Variants in ZFHX3 observed in about 807,000 individuals in gnomAD.
ZFHX3 encodes the protein zinc finger homeobox protein 3.
In ZFHX3, 42 loss-of-function variants were observed where a neutral mutation model predicts 279.1. That is an observed-to-expected ratio of 0.15 (90% CI 0.12 to 0.19). The LOEUF (loss-of-function observed/expected upper bound fraction) is 0.19, where lower values mean the gene tolerates loss of function less well. Among genes scored for constraint, ZFHX3 ranks in the 10% least tolerant of loss-of-function variants. ZFHX3 has a pLI of 1.00. For synonymous variants in ZFHX3, 2,293 were observed against 1,957.8 expected, an observed-to-expected ratio of 1.17 and a Z score of -4.52; for missense variants, 4,981 against 4,754.0, an observed-to-expected ratio of 1.05 and a Z score of -1.40.
At chr16:73,031,419 G>T (rs1964694452) in intron 1 of ZFHX3, among the ~76,000 whole-genome samples, 2 of 152,154 alleles carry the variant, frequency 1.3e-5, no homozygotes, top group South Asian at 4.1e-4. Context: ...GAAAGAGAGG[G>T]TTTGGAGCAT....
At chr16:72,999,542 G>A (rs1477472869) in intron 1 of ZFHX3, among the ~76,000 whole-genome samples, 1 of 152,118 alleles carries the variant, frequency 6.6e-6, no homozygotes. Context: ...ATGTCCACAG[G>A]GCATAAACTT....
chr16:73,032,522 A>T (rs187846933), intron 1 of ZFHX3, among the ~76,000 whole-genome samples: 15 of 152,310 alleles, frequency 9.8e-5, no homozygotes, highest in Admixed American at 9.8e-4. Context: ...GCGACAAAGT[A>T]ACAGGAACCT....
intron 1 of ZFHX3, among the ~76,000 whole-genome samples, chr16:73,812,209 G>C (rs533440479): frequency 8.7e-4 from 132 of 152,278 alleles, no homozygotes; most frequent in Non-Finnish European, 1.6e-3. Context: ...ATCACTGAAA[G>C]GATGCAAGCA....
At chr16:73,629,541 A>G (rs1055568488) in intron 2 of ZFHX3, among the ~76,000 whole-genome samples, 20 of 152,242 alleles carry the variant, frequency 1.3e-4, no homozygotes, top group Admixed American at 1.2e-3. Context: ...AGAAAGATGC[A>G]CCTGCCACGG....
At chr16:72,879,094 G>A (rs139790180) in intron 4 of ZFHX3, among the ~76,000 whole-genome samples, 47 of 152,290 alleles carry the variant, frequency 3.1e-4, no homozygotes, top group Admixed American at 1.2e-3. Flanking sequence ...CCCTGGAAGC[G>A]CAAGTGAAGG....
At chr16:73,598,116 T>G (rs1376121551) in intron 2 of ZFHX3, among the ~76,000 whole-genome samples, 2 of 152,124 alleles carry the variant, frequency 1.3e-5, no homozygotes, top group African/African-American at 4.8e-5. Context: ...CCAGGAGCCT[T>G]GGATTCCAGT....
intron 1 of ZFHX3, among the ~76,000 whole-genome samples, chr16:73,843,005 A>G (rs1274576563): frequency 6.6e-6 from 1 of 152,216 alleles, no homozygotes; most frequent in Admixed American, 6.5e-5. Context: ...TCAGTAACAC[A>G]TTATGTACAA....
intron 2 of ZFHX3, among the ~76,000 whole-genome samples, chr16:73,658,337 G>C (rs62043048): frequency 6.6e-6 from 1 of 151,898 alleles, no homozygotes; most frequent in Admixed American, 6.5e-5. Context: ...ATGGGGTCTC[G>C]CTCTGTCACC....
At chr16:72,997,300 CG>C (rs1199772008) in intron 1 of ZFHX3, among the ~76,000 whole-genome samples, 1 of 152,130 alleles carries the variant, frequency 6.6e-6, no homozygotes, top group Non-Finnish European at 1.5e-5. Context: ...CTTGAACAAC[CG>C]GATTCTGAGG....
intron 1 of ZFHX3, among the ~76,000 whole-genome samples, chr16:73,802,490 T>G (rs1597122281): frequency 6.6e-6 from 1 of 152,238 alleles, no homozygotes; most frequent in African/African-American, 2.4e-5. Flanking sequence ...CTAGCAGAAG[T>G]ATCCCAGACA....
At chr16:73,016,952 G>A (rs1003662558) in intron 1 of ZFHX3, among the ~76,000 whole-genome samples, 7 of 151,962 alleles carry the variant, frequency 4.6e-5, no homozygotes, top group Middle Eastern at 3.4e-3. Context: ...GGGGCTGGGC[G>A]CAGTGGTTCA....
At chr16:73,578,338 C>A (rs573037645) in intron 2 of ZFHX3, among the ~76,000 whole-genome samples, 1 of 148,240 alleles carries the variant, frequency 6.7e-6, no homozygotes, top group Non-Finnish European at 1.5e-5. Flanking sequence ...CTTTAGAGAT[C>A]GTATATGGTC....
At chr16:73,296,302 T>C (rs900125956) in intron 4 of ZFHX3, among the ~76,000 whole-genome samples, 2 of 152,136 alleles carry the variant, frequency 1.3e-5, no homozygotes, top group African/African-American at 4.8e-5. Context: ...GTAAGTGCAA[T>C]GTTACAACTG....
chr16:73,488,893 A>G (rs780091787), intron 2 of ZFHX3, among the ~76,000 whole-genome samples: 4 of 152,230 alleles, frequency 2.6e-5, no homozygotes, highest in Non-Finnish European at 4.4e-5. Flanking sequence ...ACCCTGGGCA[A>G]TTTATTTAAC....
At chr16:73,598,955 G>A (rs2052081705) in intron 2 of ZFHX3, among the ~76,000 whole-genome samples, 1 of 152,034 alleles carries the variant, frequency 6.6e-6, no homozygotes, top group Non-Finnish European at 1.5e-5. Context: ...TAGAGACGGG[G>A]TTTCACCATC....
intron 3 of ZFHX3, among the ~76,000 whole-genome samples, chr16:72,918,688 G>A (rs114307104): frequency 0.011 from 1,654 of 151,310 alleles, 23 homozygotes; most frequent in African/African-American, 0.037. Context: ...TTTGTTTAAA[G>A]GTAGTTCTTT....
intron 2 of ZFHX3, among the ~76,000 whole-genome samples, chr16:73,634,734 A>G (rs903677093): frequency 6.6e-6 from 1 of 152,104 alleles, no homozygotes; most frequent in Non-Finnish European, 1.5e-5. Context: ...TTTTAGAGGA[A>G]GCAAGACCTT....
rs183662498 is a variant in ZFHX3 at position 73,410,113 on chromosome 16, A to G, written c.-1291+45890T>C. The stretch of plus-strand genomic sequence containing the variant: ...ACTAAAGTCAACAATAATTTATTGT[A>G]CATTCAAAAATAACTGCAAGAGGCA... On this transcript the variant is annotated intron_variant, in intron 3 of 17. Coordinates refer to the ZFHX3 transcript ENST00000641206. Among the ~76,000 whole-genome samples, 11 of 152,316 alleles carry G rather than the reference A, an allele frequency of 7.2e-5. No individual in the cohort carries two copies. The East Asian group carries it at 1.9e-3, about 27-fold the overall frequency.
chr16:73,366,008 A>G (rs1429844854), intron 3 of ZFHX3, among the ~76,000 whole-genome samples: 1 of 152,230 alleles, frequency 6.6e-6, no homozygotes, highest in Non-Finnish European at 1.5e-5. Flanking sequence ...TGATGGTGGC[A>G]AGATGGGATC....
Sources: gnomAD v4.1 joint callset for allele counts (sites outside exome capture counted in the v4.1 genomes callset) on GRCh38, gnomAD v4.1.1 for gene constraint, MANE v1.5 for transcripts, NCBI Gene and HGNC (gene_info 2026-07-23, HGNC 2026-07-21) for gene names.